The following PDS5A variants were observed in gnomAD, a reference collection of about 807,000 sequenced individuals.
The protein encoded by PDS5A is PDS5 cohesin associated factor A.
In PDS5A, 42 loss-of-function variants were observed where a neutral mutation model predicts 167.1. The observed-to-expected ratio is 0.25, with a 90% CI of 0.20 to 0.33. PDS5A has a LOEUF of 0.33. PDS5A is among the 10% of genes least tolerant of loss of function. The probability of loss-of-function intolerance (pLI) is 1.00; values close to 1 mark genes in which losing one functional copy is unlikely to be tolerated. For synonymous variants in PDS5A, 553 were observed against 554.6 expected (o/e 1.00, Z 0.04); for missense variants, 1,033 against 1,605.9 (o/e 0.64, Z 6.10).
At chr4:39,840,138 AAAG>A (rs1057451609) in intron 31 of PDS5A, among the ~76,000 whole-genome samples, 2 of 152,078 alleles carry the variant, frequency 1.3e-5, no homozygotes, top group Admixed American at 1.3e-4. Context: ...AAAACAACTG[AAAG>A]AAGACCAGAG....
At chr4:39,870,407 G>A (rs571659097) in intron 21 of PDS5A, among the ~76,000 whole-genome samples, 7 of 151,906 alleles carry the variant, frequency 4.6e-5, no homozygotes, top group African/African-American at 1.2e-4. Flanking sequence ...GCAACATGGC[G>A]AAACCCTGTC....
chr4:39,866,634 T>C (rs766273883), intron 23 of PDS5A, among the ~76,000 whole-genome samples: 18 of 152,232 alleles, frequency 1.2e-4, no homozygotes, highest in Non-Finnish European at 2.1e-4. Flanking sequence ...ATTATGATTA[T>C]GTATTTACTG....
intron 5 of PDS5A, among the ~76,000 whole-genome samples, chr4:39,925,178 A>C (rs536309868): frequency 6.6e-6 from 1 of 152,232 alleles, no homozygotes; most frequent in African/African-American, 2.4e-5. Flanking sequence ...ACACAAAAAA[A>C]ACCAAACCAA....
At chr4:39,970,496 TC>T (rs1730403791) in intron 2 of PDS5A, among the ~76,000 whole-genome samples, 1 of 151,282 alleles carries the variant, frequency 6.6e-6, no homozygotes, top group Non-Finnish European at 1.5e-5. Flanking sequence ...AAACTCACTC[TC>T]ATTCTCTTCA....
At chr4:39,848,082 T>G (rs1261573490) in intron 28 of PDS5A, 2 of 152,198 alleles carry the variant, frequency 1.3e-5, no homozygotes, top group Non-Finnish European at 2.9e-5. Context: ...TGAAATAGTT[T>G]CATCCTGAAA....
At chr4:39,965,471 T>C (rs537336041) in intron 2 of PDS5A, among the ~76,000 whole-genome samples, 1 of 152,274 alleles carries the variant, frequency 6.6e-6, no homozygotes, top group East Asian at 1.9e-4. Context: ...ATAAGAAAAG[T>C]TGCTCACAAT....
At chr4:39,838,444 G>A (rs1716636786) in intron 31 of PDS5A, among the ~76,000 whole-genome samples, 1 of 152,208 alleles carries the variant, frequency 6.6e-6, no homozygotes, top group South Asian at 2.1e-4. Context: ...AGCAAAGGCT[G>A]GGAACAGTGG....
chr4:39,826,541 A>G (rs989223253), intron 32 of PDS5A, among the ~76,000 whole-genome samples: 2 of 149,044 alleles, frequency 1.3e-5, no homozygotes, highest in Admixed American at 1.3e-4. Flanking sequence ...GCTGGAGTGC[A>G]GTGGTGTGAT....
At chr4:39,868,503 A>AT (rs1165237885) in intron 22 of PDS5A, among the ~76,000 whole-genome samples, 14 of 151,902 alleles carry the variant, frequency 9.2e-5, no homozygotes, top group Non-Finnish European at 1.5e-4. Flanking sequence ...TAGTTTTTGT[A>AT]TTTTTAGTAG....
chr4:39,910,813 G>A (rs1278549900), intron 9 of PDS5A, among the ~76,000 whole-genome samples: 1 of 152,094 alleles, frequency 6.6e-6, no homozygotes, highest in East Asian at 1.9e-4. Context: ...TTGAACACAT[G>A]GCAAAACCCT....
At chr4:39,866,619 T>G (rs1017918103) in intron 23 of PDS5A, among the ~76,000 whole-genome samples, 1 of 152,214 alleles carries the variant, frequency 6.6e-6, no homozygotes, top group African/African-American at 2.4e-5. Context: ...TAGTACAATA[T>G]AGTGATTATG....
intron 2 of PDS5A, among the ~76,000 whole-genome samples, chr4:39,949,520 AGAT>A (rs1323830434): frequency 8.6e-5 from 13 of 151,926 alleles, no homozygotes; most frequent in African/African-American, 3.1e-4. Context: ...CTTCATTTTG[AGAT>A]GATAACTGTT....
intron 18 of PDS5A, among the ~76,000 whole-genome samples, 161 bp downstream of exon 18, chr4:39,879,567 A>G (rs1720765763): frequency 6.6e-6 from 1 of 152,204 alleles, no homozygotes; most frequent in Non-Finnish European, 1.5e-5. Context: ...TTATTATATT[A>G]TGTTGTAAAA....
intron 2 of PDS5A, chr4:39,973,544 G>A (rs1301328559): frequency 3.8e-6 from 5 of 1,314,188 alleles, no homozygotes; most frequent in Non-Finnish European, 4.4e-6. Context: ...ACAATCACTA[G>A]TGCAAAGGCT....
intron 2 of PDS5A, among the ~76,000 whole-genome samples, chr4:39,959,917 C>G (rs752077294): frequency 6.6e-6 from 1 of 151,900 alleles, no homozygotes; most frequent in Non-Finnish European, 1.5e-5. Flanking sequence ...AGTGAAACCC[C>G]GCCATCTCTA....
rs540316389 is a variant in PDS5A, at chr4:39,972,250, G to A, written c.138+4190C>T. Reference sequence around the variant, plus strand: ...TATTGAGACACGGTTGGCTGGGCGCGGTGGCTCACGCCTGTAATCCCAGCA... The same window carrying A: ...TATTGAGACACGGTTGGCTGGGCGCAGTGGCTCACGCCTGTAATCCCAGCA... On this transcript the variant is annotated intron_variant, in intron 2 of 32. Transcript: ENST00000303538. Among the ~76,000 whole-genome samples, 35 of 152,212 alleles carry A rather than the reference G, an allele frequency of 2.3e-4. No homozygotes were observed. In the South Asian group the frequency reaches 6.4e-3, roughly 28 times the overall value.
intron 23 of PDS5A, among the ~76,000 whole-genome samples, chr4:39,864,458 A>G (rs1393462131): frequency 6.6e-6 from 1 of 152,206 alleles, no homozygotes; most frequent in Non-Finnish European, 1.5e-5. Flanking sequence ...GATTTTTATT[A>G]CTTACGTGGT....
chr4:39,884,433 A>G (rs1006317636), intron 17 of PDS5A, among the ~76,000 whole-genome samples: 1 of 152,204 alleles, frequency 6.6e-6, no homozygotes, highest in Non-Finnish European at 1.5e-5. Flanking sequence ...TCTCTGCCTA[A>G]GTAATACTGA....
At chr4:39,934,245 C>T (rs4440231) in intron 2 of PDS5A, among the ~76,000 whole-genome samples, 107,479 of 152,048 alleles carry the variant, frequency 0.71, 39,254 homozygotes, top group Middle Eastern at 0.85. Context: ...GCCAGCTATA[C>T]GAAGTGTTCT....
Sources: allele counts gnomAD v4.1 joint callset (sites outside exome capture counted in the v4.1 genomes callset), GRCh38; gene constraint gnomAD v4.1.1; transcripts MANE v1.5; gene names NCBI Gene and HGNC (gene_info 2026-07-23, HGNC 2026-07-21).